Variants in CLVS1 observed in about 807,000 individuals in gnomAD.
CLVS1 encodes the protein clavesin-1.
CLVS1 carries 10 observed loss-of-function variants against 33.1 expected under a neutral mutation model. The ratio of observed to expected loss-of-function variants is 0.30; its 90% CI spans 0.19 to 0.51. CLVS1 has a LOEUF of 0.51. Among genes scored for constraint, CLVS1 ranks in the 20% least tolerant of loss-of-function variants. The pLI is 0.97. For missense variants in CLVS1, 343 were observed against 433.4 expected (o/e 0.79, Z 1.85); for synonymous variants, 163 against 166.1 (o/e 0.98, Z 0.14).
At position 61,389,766 on chromosome 8, in the gene CLVS1, A is replaced by G. The variant is rs115762751; in HGVS notation, c.630+12987A>G. Among the ~76,000 whole-genome samples the G allele has an allele frequency of 8.4e-3, 1,278 of 152,344 alleles. 8 individuals are homozygous for G. The highest frequency in any genetic ancestry group is 0.029 in the African/African-American group (1,203 of 41,584). ...ATATTCAACAAGCATTACTGAAGCC[A>G]GCACGGAAGTGCATAAAATATTAGA... On this transcript the variant is annotated intron_variant, in intron 3 of 5. Coordinates refer to ENST00000325897, the MANE Select transcript of CLVS1 (RefSeq NM_173519.3).
chr8:61,229,880 G>C (rs1257183237), intron 2 of CLVS1, among the ~76,000 whole-genome samples: 2 of 152,146 alleles, frequency 1.3e-5, no homozygotes, highest in African/African-American at 2.4e-5. Context: ...GCCCACCTTG[G>C]CCTCCCAAAG....
At chr8:61,102,260 C>A (rs1410119698) in intron 1 of CLVS1, among the ~76,000 whole-genome samples, 1 of 152,032 alleles carries the variant, frequency 6.6e-6, no homozygotes, top group Non-Finnish European at 1.5e-5. Flanking sequence ...TTATTTAGTT[C>A]TTTCATAATT....
At chr8:60,969,563 G>T in the CLVS1 span, among the ~76,000 whole-genome samples, 2 of 152,112 alleles carry the variant, frequency 1.3e-5, no homozygotes, top group African/African-American at 4.8e-5. Flanking sequence ...TCCCATCATG[G>T]CCAGGAACTC....
intron 5 of CLVS1, among the ~76,000 whole-genome samples, chr8:61,498,021 G>A (rs753575043): frequency 5.9e-5 from 9 of 152,130 alleles, no homozygotes; most frequent in Non-Finnish European, 1.3e-4. Context: ...TTATCAGCAA[G>A]GACTTTATGA....
chr8:61,019,687 A>G, the CLVS1 span, among the ~76,000 whole-genome samples: 1 of 152,036 alleles, frequency 6.6e-6, no homozygotes, highest in African/African-American at 2.4e-5. Context: ...GCAAATCTCC[A>G]TTTATTTGGC....
chr8:61,199,147 GT>G (rs1216485034), intron 2 of CLVS1, among the ~76,000 whole-genome samples: 1 of 152,030 alleles, frequency 6.6e-6, no homozygotes, highest in African/African-American at 2.4e-5. Flanking sequence ...TCTTCATACT[GT>G]TTTCCACATT....
chr8:61,412,531 G>A (rs928649155), intron 3 of CLVS1, among the ~76,000 whole-genome samples: 1 of 152,172 alleles, frequency 6.6e-6, no homozygotes, highest in Non-Finnish European at 1.5e-5. Context: ...TAGGGGTGGG[G>A]CTGGGAGGCA....
At chr8:61,179,816 C>T (rs889042131) in intron 2 of CLVS1, among the ~76,000 whole-genome samples, 1 of 152,028 alleles carries the variant, frequency 6.6e-6, no homozygotes. Flanking sequence ...GGCAATATAC[C>T]AGAATCTCTG....
At chr8:61,463,328 C>T (rs1443673950) in intron 5 of CLVS1, among the ~76,000 whole-genome samples, 3 of 127,724 alleles carry the variant, frequency 2.3e-5, no homozygotes, top group Non-Finnish European at 1.8e-5. Flanking sequence ...GGTTGTTGCA[C>T]TTTCTTAGCA....
rs117273588 is a variant in CLVS1, at chr8:61,199,167, T to A, written c.-152+67307T>A. ...ATACTGTTTTCCACATTGAAAAACC[T>A]AAGAAAAACTCTTCCAGACATTGGC... is the stretch of plus-strand genomic sequence containing the variant. On this transcript the variant is annotated intron_variant, in intron 2 of 2. Coordinates refer to the CLVS1 transcript ENST00000522621. Among the ~76,000 whole-genome samples, 1,504 of 152,264 alleles carry A rather than the reference T, an allele frequency of 9.9e-3. 12 individuals carry two copies. The highest frequency in any genetic ancestry group is 0.014 in the Non-Finnish European group (983 of 68,024).
intron 2 of CLVS1, among the ~76,000 whole-genome samples, chr8:61,270,981 A>AT (rs1183323107): frequency 4.0e-5 from 6 of 150,686 alleles, no homozygotes; most frequent in Non-Finnish European, 7.4e-5. Context: ...GGATTCATTA[A>AT]TTTTTTGAAG....
intron 2 of CLVS1, among the ~76,000 whole-genome samples, chr8:61,278,947 A>G (rs374489985): frequency 2.0e-5 from 3 of 152,188 alleles, no homozygotes; most frequent in African/African-American, 7.2e-5. Context: ...GCAATGGATC[A>G]GGCATCCTCA....
At chr8:61,255,021 G>C (rs575536585) in intron 2 of CLVS1, among the ~76,000 whole-genome samples, 297 of 152,330 alleles carry the variant, frequency 1.9e-3, no homozygotes, top group African/African-American at 6.3e-3. Context: ...GTAGACTGGA[G>C]CTGTTCCTAT....
At chr8:61,031,971 G>A in the CLVS1 span, among the ~76,000 whole-genome samples, 1 of 152,192 alleles carries the variant, frequency 6.6e-6, no homozygotes, top group South Asian at 2.1e-4. Context: ...GAAAAAATAA[G>A]ATAAAATATG....
intron 2 of CLVS1, among the ~76,000 whole-genome samples, chr8:61,181,164 A>C (rs879679385): frequency 1.3e-5 from 2 of 152,214 alleles, no homozygotes; most frequent in Non-Finnish European, 2.9e-5. Context: ...ATGTGCAGAA[A>C]TCACAAGTAT....
chr8:61,271,265 G>T (rs1342584370), intron 2 of CLVS1, among the ~76,000 whole-genome samples: 1 of 150,540 alleles, frequency 6.6e-6, no homozygotes, highest in African/African-American at 2.5e-5. Context: ...CCTTCATTTC[G>T]TTATGTACCC....
rs192558187 is a variant in CLVS1, at chr8:61,436,441, C to T, written c.631-17700C>T. ...CTGCAACTGCTCTTGTCAATGTCAACGACCGTCACATGGCCATATTCTAAG... is the reference window on the plus strand; with the variant it reads ...CTGCAACTGCTCTTGTCAATGTCAATGACCGTCACATGGCCATATTCTAAG... On this transcript the variant is annotated intron_variant, in intron 3 of 5. Coordinates refer to ENST00000325897, the MANE Select transcript of CLVS1 (RefSeq NM_173519.3). 2.4e-4 allele frequency among the ~76,000 whole-genome samples: 37 copies of T among 152,278 alleles called. 1 individual carries two copies. In the South Asian group the frequency reaches 6.8e-3, roughly 28 times the overall value.
chr8:61,313,384 G>A (rs1185768717), intron 2 of CLVS1, among the ~76,000 whole-genome samples: 1 of 152,198 alleles, frequency 6.6e-6, no homozygotes, highest in East Asian at 1.9e-4. Context: ...AGTTGAGGCT[G>A]AGGAGGTGGG....
At chr8:61,193,718 C>A (rs922445157) in intron 2 of CLVS1, among the ~76,000 whole-genome samples, 1 of 151,580 alleles carries the variant, frequency 6.6e-6, no homozygotes, top group Non-Finnish European at 1.5e-5. Flanking sequence ...GATTTTGACA[C>A]CTATGGAACC....
Sources: gnomAD v4.1 joint callset for allele counts (sites outside exome capture counted in the v4.1 genomes callset) on GRCh38, gnomAD v4.1.1 for gene constraint, MANE v1.5 for transcripts, NCBI Gene and HGNC (gene_info 2026-07-23, HGNC 2026-07-21) for gene names.